Variants in TPRG1 observed in about 807,000 individuals in gnomAD.
TPRG1 encodes the protein tumor protein p63 regulated 1, also known as tumor protein p63-regulated gene 1 protein.
Under a neutral mutation model 29.3 loss-of-function variants are expected in TPRG1, and 29 were observed. The ratio of observed to expected loss-of-function variants is 0.99; its 90% confidence interval spans 0.74 to 1.35. The LOEUF (loss-of-function observed/expected upper bound fraction) is 1.35. TPRG1 is among the 40% of genes most tolerant of loss of function. The pLI is 0.00. For missense variants in TPRG1, 327 were observed against 335.0 expected (o/e 0.98, Z 0.19); for synonymous variants, 130 against 116.8 (o/e 1.11, Z -0.73).
chr3:189,223,058 G>A (rs16864110), intron 3 of TPRG1, among the ~76,000 whole-genome samples: 7,482 of 152,240 alleles, frequency 0.049, 613 homozygotes, highest in African/African-American at 0.17. Context: ...TGTGAAGAAG[G>A]CACTCCTTGA....
chr3:189,156,606 C>T (rs143991195), intron 5 of TPRG1, among the ~76,000 whole-genome samples: 60 of 152,174 alleles, frequency 3.9e-4, no homozygotes, highest in Admixed American at 3.9e-4. Flanking sequence ...CCTTTCTGCT[C>T]GGGCTATGCT....
chr3:189,301,667 G>A (rs1720861736), intron 4 of TPRG1, among the ~76,000 whole-genome samples: 1 of 152,124 alleles, frequency 6.6e-6, no homozygotes, highest in Admixed American at 6.5e-5. Context: ...ACACCCAGCA[G>A]GAGGCTGACA....
intron 4 of TPRG1, among the ~76,000 whole-genome samples, chr3:189,259,100 G>A (rs1712486660): frequency 6.6e-6 from 1 of 152,150 alleles, no homozygotes; most frequent in African/African-American, 2.4e-5. Flanking sequence ...TCCCAGTTTT[G>A]TGCTTGAAAC....
chr3:189,040,293 A>T (rs930885457), intron 4 of TPRG1, among the ~76,000 whole-genome samples: 4 of 152,236 alleles, frequency 2.6e-5, no homozygotes, highest in Admixed American at 2.6e-4. Flanking sequence ...AAAACAGCGA[A>T]ATATTGAACT....
chr3:189,303,904 T>G (rs1304404139), intron 4 of TPRG1, among the ~76,000 whole-genome samples: 1 of 152,178 alleles, frequency 6.6e-6, no homozygotes, highest in Non-Finnish European at 1.5e-5. Context: ...TTAAGGACTT[T>G]CAGTTTGGGA....
chr3:189,021,953 C>A (rs1269815736), intron 3 of TPRG1, among the ~76,000 whole-genome samples: 2 of 152,098 alleles, frequency 1.3e-5, no homozygotes, highest in Admixed American at 6.6e-5. Flanking sequence ...TTTTCTCTAA[C>A]CTTCCCTTCT....
chr3:189,201,635 A>G (rs1212522400), intron 1 of TPRG1, among the ~76,000 whole-genome samples: 1 of 152,058 alleles, frequency 6.6e-6, no homozygotes, highest in Non-Finnish European at 1.5e-5. Context: ...CCTTTTTGTT[A>G]TACTCAAATT....
chr3:189,219,650 T>C (rs1258133630), intron 3 of TPRG1: 1 of 1,288,074 alleles, frequency 7.8e-7, no homozygotes, highest in Non-Finnish European at 1.0e-6. Context: ...GGCAATAAAG[T>C]GGCTCTTCAG....
chr3:189,103,913 TC>T (rs1434977938), intron 1 of TPRG1, among the ~76,000 whole-genome samples: 1 of 152,198 alleles, frequency 6.6e-6, no homozygotes. Flanking sequence ...TAGTTTTCAG[TC>T]ATTGATGAGC....
intron 3 of TPRG1, among the ~76,000 whole-genome samples, chr3:189,015,077 A>C (rs1712854524): frequency 1.3e-5 from 2 of 152,198 alleles, no homozygotes; most frequent in South Asian, 4.1e-4. Context: ...AATTTTGACC[A>C]AAATGGTAAT....
Position 189,183,888 on chromosome 3 carries a change from C to T in TPRG1, c.-10+11757C>T, listed in dbSNP as rs139935099. ...GGGGACATACATCCTCCTCGGCTTA[C>T]GAGATGACAGGATTAAGAGATTAAA... On this transcript the variant is annotated intron_variant, in intron 1 of 5. Coordinates refer to ENST00000345063, the MANE Select transcript of TPRG1 (RefSeq NM_198485.4). 6.6e-5 allele frequency among the ~76,000 whole-genome samples: 10 copies of T among 151,080 alleles called. No individual in the cohort carries two copies. In the East Asian group the frequency reaches 1.7e-3, roughly 26 times the overall value.
At chr3:189,192,440 T>C (rs1218345923) in intron 1 of TPRG1, among the ~76,000 whole-genome samples, 1 of 152,218 alleles carries the variant, frequency 6.6e-6, no homozygotes, top group Non-Finnish European at 1.5e-5. Flanking sequence ...AAGGAGCTCA[T>C]GTACTAGTGA....
intron 3 of TPRG1, among the ~76,000 whole-genome samples, chr3:189,142,061 G>T (rs1724642842): frequency 6.6e-6 from 1 of 152,186 alleles, no homozygotes; most frequent in African/African-American, 2.4e-5. Flanking sequence ...TGACAGAAAG[G>T]GGGTGGTCAG....
At chr3:189,234,639 G>T (rs1245076968) in intron 3 of TPRG1, among the ~76,000 whole-genome samples, 2 of 152,178 alleles carry the variant, frequency 1.3e-5, no homozygotes, top group South Asian at 4.1e-4. Flanking sequence ...AAGGCATATA[G>T]GTTGTGCAGT....
At chr3:189,200,558 A>G (rs1486039146) in intron 1 of TPRG1, among the ~76,000 whole-genome samples, 1 of 152,232 alleles carries the variant, frequency 6.6e-6, no homozygotes, top group Non-Finnish European at 1.5e-5. Flanking sequence ...CACGCAGGCC[A>G]CAGGGACTAA....
chr3:189,078,772 C>T (rs1206049590), intron 4 of TPRG1, among the ~76,000 whole-genome samples: 1 of 152,158 alleles, frequency 6.6e-6, no homozygotes, highest in South Asian at 2.1e-4. Context: ...GCTGTGCTAC[C>T]TTAAACAAGT....
intron 5 of TPRG1, among the ~76,000 whole-genome samples, chr3:189,317,127 T>C (rs547248414): frequency 5.6e-4 from 86 of 152,278 alleles, no homozygotes; most frequent in Middle Eastern, 3.4e-3. Context: ...AGGAAAGAAG[T>C]TTATGATGAA....
intron 4 of TPRG1, among the ~76,000 whole-genome samples, chr3:189,072,611 G>A (rs1560427137): frequency 6.6e-6 from 1 of 152,068 alleles, no homozygotes; most frequent in Admixed American, 6.5e-5. Flanking sequence ...GGTTGCAAGT[G>A]TTCAGTTTCT....
At chr3:189,213,080 G>A (rs1578851750) in intron 2 of TPRG1, among the ~76,000 whole-genome samples, 1 of 152,084 alleles carries the variant, frequency 6.6e-6, no homozygotes, top group Admixed American at 6.6e-5. Context: ...TTCAATTACA[G>A]TAAACATTTG....
Sources: gnomAD v4.1 joint callset for allele counts (sites outside exome capture counted in the v4.1 genomes callset) on GRCh38, gnomAD v4.1.1 for gene constraint, MANE v1.5 for transcripts, NCBI Gene and HGNC (gene_info 2026-07-23, HGNC 2026-07-21) for gene names.